The following THSD4 variants were observed in gnomAD, a reference collection of about 807,000 sequenced individuals.
THSD4 encodes the protein thrombospondin type-1 domain-containing protein 4.
A neutral mutation model predicts 119.0 loss-of-function variants in THSD4; 69 were observed. The ratio of observed to expected loss-of-function variants is 0.58; its 90% CI spans 0.48 to 0.71. THSD4 has a LOEUF of 0.71. Among genes scored for constraint, THSD4 ranks in the 30% least tolerant of loss-of-function variants. The probability of loss-of-function intolerance (pLI) is 0.00; values close to 1 mark genes in which losing one functional copy is unlikely to be tolerated. For missense variants in THSD4, 1,393 were observed against 1,391.1 expected (o/e 1.00, Z -0.02); for synonymous variants, 524 against 540.4 (o/e 0.97, Z 0.42).
At chr15:71,606,501 C>G (rs1032971320) in intron 7 of THSD4, among the ~76,000 whole-genome samples, 2 of 14,032 alleles carry the variant, frequency 1.4e-4, no homozygotes, top group Non-Finnish European at 0.017. Flanking sequence ...TAAGACCTCC[C>G]AGAAATAACA....
chr15:71,475,852 A>G (rs2047647802), intron 7 of THSD4, among the ~76,000 whole-genome samples: 1 of 152,184 alleles, frequency 6.6e-6, no homozygotes, highest in Non-Finnish European at 1.5e-5. Context: ...GCTTGAGCCC[A>G]GAAGTTCAAG....
chr15:71,765,138 G>A lies in THSD4; in HGVS notation c.2708G>A (p.Ser903Asn), dbSNP rs148016609. 6.6e-3 allele frequency: 10,717 copies of A among 1,614,196 alleles called. 48 individuals are homozygous for A. Among genetic ancestry groups the A allele is most frequent in the Non-Finnish European group, 7.8e-3 (9,173 of 1,180,038 alleles). The change falls in exon 16 of 18, where the codon AGC becomes AAC. Residue 903 changes from serine (S) to asparagine (N), a missense_variant. By Grantham distance (46) the Ser-to-Asn change is conservative. Coordinates refer to ENST00000261862, the MANE Select transcript of THSD4 (RefSeq NM_024817.3). Reference protein sequence around the residue: ...SECSFLEKPPSQQSCHLKPCG... With the variant: ...SECSFLEKPPNQQSCHLKPCG... ...TGTTCTTTCCTGGAGAAACCCCCCA[G>A]CCAGCAATCCTGCCACCTCAAGCCT...
intron 6 of THSD4, among the ~76,000 whole-genome samples, chr15:71,370,383 A>G (rs907333218): frequency 6.6e-6 from 1 of 152,072 alleles, no homozygotes; most frequent in Non-Finnish European, 1.5e-5. Flanking sequence ...TAGGGTGTCA[A>G]TTTTAGATCT....
chr15:71,595,803 T>C (rs1475610121), intron 7 of THSD4, among the ~76,000 whole-genome samples: 2 of 152,226 alleles, frequency 1.3e-5, no homozygotes, highest in South Asian at 2.1e-4. Context: ...CGGTAGCTAC[T>C]GTTATACCCA....
At chr15:71,170,131 A>C (rs894047522) in intron 3 of THSD4, among the ~76,000 whole-genome samples, 4 of 152,118 alleles carry the variant, frequency 2.6e-5, no homozygotes, top group Admixed American at 2.0e-4. Flanking sequence ...CCGAGATCTC[A>C]CTGGGCAACA....
intron 6 of THSD4, among the ~76,000 whole-genome samples, chr15:71,397,301 A>G (rs1219707357): frequency 1.3e-5 from 2 of 152,126 alleles, no homozygotes; most frequent in Non-Finnish European, 2.9e-5. Flanking sequence ...TATTTGTGTG[A>G]CTAGTTAATT....
At chr15:71,728,528 C>T in intron 8 of THSD4, 21 bp from the exon 9 acceptor site, 1 of 1,612,018 alleles carries the variant, frequency 6.2e-7, no homozygotes, top group Non-Finnish European at 8.5e-7. Flanking sequence ...ACCCAAAGAA[C>T]TGTCTGATTT....
At chr15:71,250,835 T>G (rs1016877330) in intron 5 of THSD4, among the ~76,000 whole-genome samples, 2 of 152,160 alleles carry the variant, frequency 1.3e-5, no homozygotes, top group Non-Finnish European at 2.9e-5. Context: ...TAGTGTCATA[T>G]TAACATCCTT....
chr15:71,623,169 G>A (rs1267345823), intron 7 of THSD4, among the ~76,000 whole-genome samples: 1 of 152,026 alleles, frequency 6.6e-6, no homozygotes, highest in African/African-American at 2.4e-5. Context: ...GGAAAACTGA[G>A]TGTTAGGAAC....
In THSD4 at chr15:71,256,655, G is replaced by T. The variant is rs774987583; in HGVS notation, c.955G>T (p.Ala319Ser). 3.1e-6 allele frequency: 5 copies of T among 1,614,104 alleles called. No individual in the cohort carries two copies. Among genetic ancestry groups the T allele is most frequent in the Non-Finnish European group, 3.4e-6 (4 of 1,179,984 alleles). ...SSRSIREVQC[A>S]SYNNKPFMGR... ...TAGAAGTATCCGGGAGGTACAGTGT[G>T]CATCCTACAACAACAAGCCATTCAT... The change falls in exon 6 of 18, where the codon GCA (alanine) becomes TCA (serine). Residue 319 changes from alanine to serine, a missense_variant. By Grantham distance (99) the Ala-to-Ser change is moderately conservative (BLOSUM62 1). Transcript: ENST00000261862.
At chr15:71,722,371 T>G (rs1335171147) in intron 8 of THSD4, among the ~76,000 whole-genome samples, 2 of 152,054 alleles carry the variant, frequency 1.3e-5, no homozygotes, top group Non-Finnish European at 2.9e-5. Flanking sequence ...AGAGAATGAG[T>G]GAGTAATAGT....
chr15:71,491,106 T>C (rs528882736), intron 7 of THSD4, among the ~76,000 whole-genome samples: 2 of 152,358 alleles, frequency 1.3e-5, no homozygotes, highest in Non-Finnish European at 2.9e-5. Flanking sequence ...TGTAAACATC[T>C]TTATGGCACT....
chr15:71,713,415 C>T (rs552016492), intron 8 of THSD4, among the ~76,000 whole-genome samples: 2 of 152,340 alleles, frequency 1.3e-5, no homozygotes, highest in Admixed American at 1.3e-4. Context: ...CCTCCGCCCA[C>T]ACCTATGTTG....
At chr15:71,769,288 G>A in intron 16 of THSD4, among the ~76,000 whole-genome samples, 1 of 1,606 alleles carries the variant, frequency 6.2e-4, no homozygotes, top group Admixed American at 0.011. Flanking sequence ...GGAGGGAGGT[G>A]GGCGGGGGGT....
At chr15:71,414,110 A>C (rs2046725769) in intron 7 of THSD4, among the ~76,000 whole-genome samples, 1 of 152,172 alleles carries the variant, frequency 6.6e-6, no homozygotes. Flanking sequence ...CCACAGATTT[A>C]CTGTGTGATT....
At chr15:71,318,002 G>T (rs2045214599) in intron 6 of THSD4, among the ~76,000 whole-genome samples, 1 of 152,154 alleles carries the variant, frequency 6.6e-6, no homozygotes, top group African/African-American at 2.4e-5. Flanking sequence ...AGGTGGTGGA[G>T]CTTAGAATTT....
rs756158529 is a variant in THSD4, at chr15:71,731,156, C to T, written c.1569C>T (p.Tyr523=). Residue 523 remains tyrosine, a synonymous_variant, in exon 10 of 18, where the codon TAC becomes TAT. Transcript: ENST00000261862. ...IHQQPNPGVH[Y]EYVIMGTNAI... ...AGCAGCCAAACCCAGGCGTGCACTACGAGTACGTGATCATGGGGACCAACG... is the reference window on the plus strand; with the variant it reads ...AGCAGCCAAACCCAGGCGTGCACTATGAGTACGTGATCATGGGGACCAACG... 47 of 1,614,048 alleles carry T rather than the reference C, an allele frequency of 2.9e-5. No individual in the cohort carries two copies. Among genetic ancestry groups the T allele is most frequent in the Middle Eastern group, 1.6e-4 (1 of 6,084 alleles).
rs570590614 is a variant in THSD4, at chr15:71,705,315, G to A, written c.1358-23234G>A. Among the ~76,000 whole-genome samples, 16 of 152,226 alleles carry A rather than the reference G, an allele frequency of 1.1e-4. No individual in the cohort carries two copies. In the South Asian group the frequency reaches 2.3e-3, roughly 22 times the overall value. On this transcript the variant is annotated intron_variant, in intron 8 of 17. Transcript: ENST00000261862. The stretch of plus-strand genomic sequence containing the variant: ...TGTGGAGAGGAAGAGCAAGGCGGGC[G>A]GCACCTAATTTGCACACCGCAACTA...
intron 6 of THSD4, among the ~76,000 whole-genome samples, chr15:71,404,770 A>C (rs2046581905): frequency 6.6e-6 from 1 of 152,160 alleles, no homozygotes; most frequent in Non-Finnish European, 1.5e-5. Flanking sequence ...TTCACCAGAC[A>C]CTGAATCTTT....
Sources: allele counts gnomAD v4.1 joint callset (sites outside exome capture counted in the v4.1 genomes callset), GRCh38; gene constraint gnomAD v4.1.1; transcripts MANE v1.5; gene names NCBI Gene and HGNC (gene_info 2026-07-23, HGNC 2026-07-21).